The following LRGUK variants were observed in gnomAD, a reference collection of about 807,000 sequenced individuals.
LRGUK encodes the protein leucine-rich repeat and guanylate kinase domain-containing protein.
A neutral mutation model predicts 76.0 loss-of-function variants in LRGUK; 65 were observed. That is an observed-to-expected ratio of 0.85 (90% CI 0.70 to 1.05). LRGUK has a LOEUF of 1.05. Ranked by LOEUF, LRGUK falls within the 50% of genes least tolerant of loss-of-function variation. The pLI, the probability that LRGUK is intolerant of heterozygous loss-of-function variation, is 0.00. For synonymous variants in LRGUK, 268 were observed against 265.6 expected, an observed-to-expected ratio of 1.01 and a Z score of -0.09; for missense variants, 758 against 732.8, an observed-to-expected ratio of 1.03 and a Z score of -0.40.
exon 20 of LRGUK, chr7:134,263,895 C>A (rs1764713007): frequency 6.2e-7 from 1 of 1,612,478 alleles, no homozygotes; most frequent in Non-Finnish European, 8.5e-7. Flanking sequence ...CCAACACAGA[C>A]AACACTCGGT....
At chr7:134,255,968 C>T (rs1306391781) in intron 18 of LRGUK, among the ~76,000 whole-genome samples, 2 of 152,114 alleles carry the variant, frequency 1.3e-5, no homozygotes, top group Non-Finnish European at 2.9e-5. Context: ...GTCCTGGAGT[C>T]ATTGGCTGGT....
chr7:134,132,902 G>T (rs1187135670), intron 1 of LRGUK, among the ~76,000 whole-genome samples: 1 of 152,220 alleles, frequency 6.6e-6, no homozygotes, highest in Non-Finnish European at 1.5e-5. Context: ...AAGGGCATTA[G>T]TGGAGAAGAC....
chr7:134,190,569 C>T (rs191877655), intron 11 of LRGUK, among the ~76,000 whole-genome samples: 35 of 152,340 alleles, frequency 2.3e-4, no homozygotes, highest in Admixed American at 5.9e-4. Flanking sequence ...CTGCACTTAA[C>T]AGTGGAAGGC....
intron 12 of LRGUK, among the ~76,000 whole-genome samples, chr7:134,192,666 G>A (rs1315499766): frequency 6.6e-6 from 1 of 152,170 alleles, no homozygotes; most frequent in Non-Finnish European, 1.5e-5. Flanking sequence ...ATCTGCCCAT[G>A]ACTTCAGTTA....
At chr7:134,179,389 T>C (rs780334025) in intron 10 of LRGUK, among the ~76,000 whole-genome samples, 1 of 152,258 alleles carries the variant, frequency 6.6e-6, no homozygotes, top group Admixed American at 6.5e-5. Context: ...AAATGGCTTC[T>C]CTTCTTCATG....
chr7:134,230,190 A>C (rs1443664249), intron 16 of LRGUK, among the ~76,000 whole-genome samples: 1 of 152,206 alleles, frequency 6.6e-6, no homozygotes, highest in Non-Finnish European at 1.5e-5. Context: ...TAAGAAAAAA[A>C]TAGGTAACCC....
At chr7:134,184,561 G>A (rs1484048125) in intron 11 of LRGUK, among the ~76,000 whole-genome samples, 6 of 151,888 alleles carry the variant, frequency 4.0e-5, no homozygotes, top group South Asian at 2.1e-4. Context: ...GAGCCACCGC[G>A]CCTGACCGAA....
At chr7:134,153,132 A>G (rs1431312679) in intron 5 of LRGUK, among the ~76,000 whole-genome samples, 5 of 152,124 alleles carry the variant, frequency 3.3e-5, no homozygotes, top group Non-Finnish European at 7.4e-5. Flanking sequence ...TGAATCAAGT[A>G]TTAAACTTAA....
Position 134,223,608 on chromosome 7 carries a change from T to C in LRGUK, c.1983+1690T>C, listed in dbSNP as rs140048752. On this transcript the variant is annotated intron_variant, in intron 16 of 19. Coordinates refer to the LRGUK transcript ENST00000285928. ...TGGGGATCACTTCCCATATTTGGAT[T>C]AAGTTCAAGAATCCCGAGAGTTACA... Among the ~76,000 whole-genome samples, 312 of 152,288 alleles carry C rather than the reference T, an allele frequency of 2.0e-3. 2 individuals carry two copies. The highest frequency in any genetic ancestry group is 3.1e-3 in the Non-Finnish European group (209 of 68,006).
intron 1 of LRGUK, among the ~76,000 whole-genome samples, chr7:134,134,764 T>C (rs1797455785): frequency 6.6e-6 from 1 of 152,196 alleles, no homozygotes; most frequent in Non-Finnish European, 1.5e-5. Context: ...TTTAGAAAAG[T>C]AAATGTGTTT....
chr7:134,159,973 A>G (rs1038398328), intron 6 of LRGUK, among the ~76,000 whole-genome samples: 3 of 152,228 alleles, frequency 2.0e-5, no homozygotes, highest in Non-Finnish European at 4.4e-5. Context: ...AATGCATTCA[A>G]TAAATTAGAT....
chr7:134,176,918 G>A (rs2116992607), intron 8 of LRGUK, 59 bp from the exon 9 acceptor site: 2 of 991,046 alleles, frequency 2.0e-6, no homozygotes, highest in South Asian at 1.4e-5. Context: ...CCCAATGCTG[G>A]TGCTTGTTGA....
At chr7:134,148,351 T>A in intron 5 of LRGUK, 32 bp downstream of exon 5, 1 of 1,256,150 alleles carries the variant, frequency 8.0e-7, no homozygotes, top group Non-Finnish European at 1.1e-6. Context: ...GGGAAAATTT[T>A]AAAAACAATA....
chr7:134,184,875 G>A (rs117416330), intron 11 of LRGUK, among the ~76,000 whole-genome samples: 1 of 152,376 alleles, frequency 6.6e-6, no homozygotes, highest in East Asian at 1.9e-4. Flanking sequence ...TGTGAAGGCA[G>A]GCTTCTCCTG....
intron 18 of LRGUK, among the ~76,000 whole-genome samples, chr7:134,250,249 G>A (rs549540692): frequency 6.6e-6 from 1 of 152,044 alleles, no homozygotes; most frequent in South Asian, 2.1e-4. Context: ...TATTTGCACA[G>A]GGATATATAT....
At chr7:134,163,288 C>G (rs865826723) in intron 6 of LRGUK, 109 bp from the exon 7 acceptor site, 1 of 985,152 alleles carries the variant, frequency 1.0e-6, no homozygotes, top group African/African-American at 1.6e-5. Flanking sequence ...AGAATGCCTT[C>G]TTGATTTTTT....
At chr7:134,147,924 C>T (rs556194268) in intron 4 of LRGUK, among the ~76,000 whole-genome samples, 2 of 151,590 alleles carry the variant, frequency 1.3e-5, no homozygotes, top group Non-Finnish European at 2.9e-5. Context: ...TAGCCAGTTG[C>T]GGTGGTGGGC....
chr7:134,197,041 A>G (rs1292864892), exon 13 of LRGUK: 1 of 1,612,456 alleles, frequency 6.2e-7, no homozygotes, highest in South Asian at 1.1e-5. Context: ...TATGGATTAA[A>G]TAGGGACACC....
chr7:134,180,378 ATCTG>A, intron 10 of LRGUK, among the ~76,000 whole-genome samples: 1 of 152,092 alleles, frequency 6.6e-6, no homozygotes, highest in Non-Finnish European at 1.5e-5. Context: ...ATCTATATCT[ATCTG>A]TCTGTTTGGG....
Sources: gnomAD v4.1 joint callset for allele counts (sites outside exome capture counted in the v4.1 genomes callset) on GRCh38, gnomAD v4.1.1 for gene constraint, MANE v1.5 for transcripts, NCBI Gene and HGNC (gene_info 2026-07-23, HGNC 2026-07-21) for gene names.